Variants in PDE12 observed in about 807,000 individuals in gnomAD.
The protein encoded by PDE12 is phosphodiesterase 12.
Under a neutral mutation model 45.4 loss-of-function variants are expected in PDE12, and 26 were observed. The ratio of observed to expected loss-of-function variants is 0.57; its 90% CI spans 0.42 to 0.79. PDE12 has a LOEUF of 0.79. Among genes scored for constraint, PDE12 ranks in the 30% least tolerant of loss-of-function variants. The probability of loss-of-function intolerance (pLI) is 0.00; values close to 1 mark genes in which losing one functional copy is unlikely to be tolerated. For missense variants in PDE12, 668 were observed against 790.0 expected (o/e 0.85, Z 1.85); for synonymous variants, 283 against 323.9 (o/e 0.87, Z 1.36).
chr3:57,616,329 AAAG>A, the PDE12 span, among the ~76,000 whole-genome samples: 22 of 152,008 alleles, frequency 1.4e-4, no homozygotes, highest in African/African-American at 2.9e-4. Context: ...CTCAAAGAAA[AAAG>A]AAGAAGGAAG....
the PDE12 span, among the ~76,000 whole-genome samples, chr3:57,654,424 A>G: frequency 2.2e-4 from 33 of 152,350 alleles, no homozygotes; most frequent in Non-Finnish European, 4.3e-4. Flanking sequence ...AGAAACAGCT[A>G]TAACTGTTGT....
At chr3:57,601,036 A>C in the PDE12 span, 7 of 152,168 alleles carry the variant, frequency 4.6e-5, no homozygotes, top group Admixed American at 3.3e-4. Context: ...GCTTTTGAAC[A>C]CAGTGTTGTA....
chr3:57,562,102 A>T lies in PDE12; in HGVS notation c.*2098A>T. On this transcript the variant is annotated 3_prime_UTR_variant, in exon 3 of 3. Transcript: ENST00000311180. Reference sequence around the variant, plus strand: ...GTTTTTGGGCTGTTTTCAAAGAAAGATGTTGATAGAACCCTTAGAGTGACT... The same window carrying T: ...GTTTTTGGGCTGTTTTCAAAGAAAGTTGTTGATAGAACCCTTAGAGTGACT... The T allele has an allele frequency of 5.1e-6, 5 of 982,234 alleles. No homozygotes were observed. Among genetic ancestry groups the T allele is most frequent in the Non-Finnish European group, 6.0e-6 (5 of 827,056 alleles). 60.8% of individuals were successfully genotyped at this position (982,234 alleles called of 1,614,324 possible).
the PDE12 span, among the ~76,000 whole-genome samples, chr3:57,604,852 A>C: frequency 1.3e-5 from 2 of 151,902 alleles, no homozygotes; most frequent in East Asian, 3.9e-4. Context: ...GCTTCAAGCA[A>C]TCCTCCCACC....
chr3:57,623,720 G>A, the PDE12 span, among the ~76,000 whole-genome samples: 3 of 152,086 alleles, frequency 2.0e-5, no homozygotes, highest in Non-Finnish European at 4.4e-5. Flanking sequence ...TATAACTCTG[G>A]AATATAAAGT....
the PDE12 span, among the ~76,000 whole-genome samples, chr3:57,649,390 T>C: frequency 6.6e-6 from 1 of 152,040 alleles, no homozygotes; most frequent in Non-Finnish European, 1.5e-5. Flanking sequence ...AAGGGAATAC[T>C]TTTACACTGT....
the PDE12 span, among the ~76,000 whole-genome samples, chr3:57,589,299 C>A: frequency 1.3e-5 from 2 of 151,646 alleles, no homozygotes; most frequent in South Asian, 2.1e-4. Context: ...AGGGTGGTGC[C>A]CATCTATATT....
intron 1 of PDE12, among the ~76,000 whole-genome samples, chr3:57,558,153 C>T (rs1473065004): frequency 6.6e-6 from 1 of 151,972 alleles, no homozygotes; most frequent in Admixed American, 6.6e-5. Context: ...AGATGTCATT[C>T]TTGTGTTAAA....
chr3:57,588,339 C>T, the PDE12 span, among the ~76,000 whole-genome samples: 1 of 151,508 alleles, frequency 6.6e-6, no homozygotes, highest in African/African-American at 2.4e-5. Context: ...CTGAGGCAGG[C>T]GGATCGCTTG....
the PDE12 span, among the ~76,000 whole-genome samples, chr3:57,607,346 G>A: frequency 2.6e-5 from 4 of 152,142 alleles, no homozygotes; most frequent in Non-Finnish European, 5.9e-5. Flanking sequence ...CTCCCCCTCC[G>A]AAGGAACGCA....
the PDE12 span, chr3:57,628,779 C>T: frequency 1.3e-6 from 2 of 1,596,298 alleles, no homozygotes; most frequent in Non-Finnish European, 1.7e-6. Context: ...AAAGAAAAGT[C>T]AATTTAATCT....
the PDE12 span, among the ~76,000 whole-genome samples, chr3:57,636,916 G>A: frequency 7.5e-6 from 1 of 133,528 alleles, no homozygotes; most frequent in Non-Finnish European, 1.5e-5. Context: ...CAGCCTGGGT[G>A]ACAGAGCGAG....
the PDE12 span, among the ~76,000 whole-genome samples, chr3:57,617,970 G>A: frequency 6.6e-6 from 1 of 151,898 alleles, no homozygotes; most frequent in Non-Finnish European, 1.5e-5. Context: ...GAACAAAATC[G>A]AGTCCTTCGC....
chr3:57,558,594 G>A (rs1007316631), intron 1 of PDE12, among the ~76,000 whole-genome samples: 1 of 152,078 alleles, frequency 6.6e-6, no homozygotes, highest in Non-Finnish European at 1.5e-5. Context: ...GGGTTCAAGC[G>A]ATTCTCCTGC....
chr3:57,573,310 G>A, the PDE12 span, among the ~76,000 whole-genome samples: 1 of 151,922 alleles, frequency 6.6e-6, no homozygotes, highest in Admixed American at 6.6e-5. Context: ...AAACGTTCTT[G>A]CTTTTAAATG....
the PDE12 span, among the ~76,000 whole-genome samples, chr3:57,579,892 A>G: frequency 1.3e-5 from 2 of 152,136 alleles, no homozygotes; most frequent in African/African-American, 4.8e-5. Context: ...ACATGAAGTC[A>G]GGAGTTCAAG....
the PDE12 span, among the ~76,000 whole-genome samples, chr3:57,625,243 G>A: frequency 6.6e-6 from 1 of 152,110 alleles, no homozygotes; most frequent in Non-Finnish European, 1.5e-5. Context: ...TCAATGCACT[G>A]CTAGGAAAGA....
chr3:57,647,125 T>A, the PDE12 span, among the ~76,000 whole-genome samples: 1 of 152,186 alleles, frequency 6.6e-6, no homozygotes, highest in Non-Finnish European at 1.5e-5. Context: ...CTTATCTATT[T>A]ATGAAAATCA....
chr3:57,621,393 A>AGC, the PDE12 span, among the ~76,000 whole-genome samples: 1 of 152,228 alleles, frequency 6.6e-6, no homozygotes, highest in Non-Finnish European at 1.5e-5. Flanking sequence ...GAAGAGGCTG[A>AGC]GCGCGTTGGC....
Sources: allele counts gnomAD v4.1 joint callset (sites outside exome capture counted in the v4.1 genomes callset), GRCh38; gene constraint gnomAD v4.1.1; transcripts MANE v1.5; gene names NCBI Gene and HGNC (gene_info 2026-07-23, HGNC 2026-07-21).